Variants in SPOCK1 observed in about 807,000 individuals in gnomAD.
The protein encoded by SPOCK1 is testican-1.
Under a neutral mutation model 55.3 loss-of-function variants are expected in SPOCK1, and 23 were observed. The ratio of observed to expected loss-of-function variants is 0.42; its 90% CI spans 0.30 to 0.59. The LOEUF (loss-of-function observed/expected upper bound fraction) is 0.59, where lower values mean the gene tolerates loss of function less well. Among genes scored for constraint, SPOCK1 ranks in the 20% least tolerant of loss-of-function variants. The probability of loss-of-function intolerance (pLI) is 0.22; values close to 1 mark genes in which losing one functional copy is unlikely to be tolerated. For missense variants in SPOCK1, 499 were observed against 552.5 expected (o/e 0.90, Z 0.97); for synonymous variants, 226 against 221.0 (o/e 1.02, Z -0.20).
chr5:137,285,127 G>A (rs1158380994), intron 2 of SPOCK1, among the ~76,000 whole-genome samples: 3 of 152,164 alleles, frequency 2.0e-5, no homozygotes, highest in South Asian at 2.1e-4. Flanking sequence ...ACAGCCAAGC[G>A]GGTTGCTCGC....
At chr5:137,438,387 C>A (rs1212459237) in intron 2 of SPOCK1, among the ~76,000 whole-genome samples, 2 of 152,098 alleles carry the variant, frequency 1.3e-5, no homozygotes, top group African/African-American at 2.4e-5. Flanking sequence ...AAGGGTGACA[C>A]CTTGCCTAAT....
rs114764568 is a variant in SPOCK1, at chr5:137,440,013, A to C, written c.186+58360T>G. Among the ~76,000 whole-genome samples, 385 of 152,284 alleles carry C rather than the reference A, an allele frequency of 2.5e-3. 1 individual carries two copies. Among genetic ancestry groups the C allele is most frequent in the African/African-American group, 8.9e-3 (370 of 41,554 alleles). ...ATCAGAGATTGGAGGAAAGCCTTTCACGGGAAAATGGAGATCAAAACAGAG... is the reference window on the plus strand; with the variant it reads ...ATCAGAGATTGGAGGAAAGCCTTTCCCGGGAAAATGGAGATCAAAACAGAG... On this transcript the variant is annotated intron_variant, in intron 2 of 10. Transcript: ENST00000394945.
intron 2 of SPOCK1, among the ~76,000 whole-genome samples, chr5:137,387,748 T>C (rs1478580417): frequency 6.6e-6 from 1 of 152,200 alleles, no homozygotes; most frequent in East Asian, 1.9e-4. Context: ...CTGTAACGAA[T>C]GTGTGACTTG....
intron 3 of SPOCK1, among the ~76,000 whole-genome samples, chr5:137,171,250 C>T (rs1456377099): frequency 6.6e-6 from 1 of 152,096 alleles, no homozygotes; most frequent in Non-Finnish European, 1.5e-5. Flanking sequence ...CTCCTATGAC[C>T]CATATTCAAT....
At position 137,487,722 on chromosome 5, in the gene SPOCK1, AAGGTCCCACATC is replaced by A. The variant is rs1754090707; in HGVS notation, c.186+10639_186+10650del. Among the ~76,000 whole-genome samples, 5 of 152,306 alleles carry A rather than the reference AAGGTCCCACATC, an allele frequency of 3.3e-5. No individual in the cohort carries two copies. In the South Asian group the frequency reaches 1.0e-3, roughly 32 times the overall value. On this transcript the variant is annotated intron_variant, in intron 2 of 10. Coordinates refer to ENST00000394945, the MANE Select transcript of SPOCK1 (RefSeq NM_004598.4). ...GATCCCCTGGAATTTCATCATGTAGAAGGTCCCACATCAATTCCACTGTGCTCATGTGTGCAA... is the reference window on the plus strand; with the variant it reads ...GATCCCCTGGAATTTCATCATGTAGAAATTCCACTGTGCTCATGTGTGCAA...
intron 4 of SPOCK1, among the ~76,000 whole-genome samples, chr5:137,118,048 CTG>C: frequency 6.6e-6 from 1 of 152,290 alleles, no homozygotes; most frequent in African/African-American, 2.4e-5. Context: ...AATTCAAACA[CTG>C]TGAACTGTCA....
At chr5:137,024,352 T>A (rs1328983981) in intron 6 of SPOCK1, among the ~76,000 whole-genome samples, 1 of 151,656 alleles carries the variant, frequency 6.6e-6, no homozygotes, top group Non-Finnish European at 1.5e-5. Flanking sequence ...TCATGTTTTG[T>A]TAAATACAAC....
chr5:137,386,641 C>G (rs1409125388), intron 2 of SPOCK1, among the ~76,000 whole-genome samples: 1 of 152,148 alleles, frequency 6.6e-6, no homozygotes, highest in African/African-American at 2.4e-5. Flanking sequence ...ACTTTACACC[C>G]TTTAAAAAAA....
At chr5:137,208,517 T>C (rs761701835) in intron 3 of SPOCK1, among the ~76,000 whole-genome samples, 3 of 152,230 alleles carry the variant, frequency 2.0e-5, no homozygotes, top group Admixed American at 1.3e-4. Context: ...CATGAAATAC[T>C]ATGCAGCTCT....
At chr5:137,118,111 C>G (rs1561615670) in intron 4 of SPOCK1, among the ~76,000 whole-genome samples, 1 of 152,106 alleles carries the variant, frequency 6.6e-6, no homozygotes, top group Non-Finnish European at 1.5e-5. Context: ...GATCTTCTAA[C>G]AAGTTAACAG....
intron 6 of SPOCK1, among the ~76,000 whole-genome samples, chr5:137,013,388 CT>C (rs1425073060): frequency 1.3e-5 from 2 of 152,186 alleles, no homozygotes; most frequent in African/African-American, 4.8e-5. Context: ...ATAACATTCA[CT>C]TGGCAAACTT....
intron 6 of SPOCK1, among the ~76,000 whole-genome samples, chr5:137,064,840 T>C (rs1752466919): frequency 6.6e-6 from 1 of 152,210 alleles, no homozygotes; most frequent in South Asian, 2.1e-4. Flanking sequence ...ATTACTTAAA[T>C]GTTTCATTTC....
At chr5:137,021,394 A>G (rs1450309093) in intron 6 of SPOCK1, among the ~76,000 whole-genome samples, 1 of 152,236 alleles carries the variant, frequency 6.6e-6, no homozygotes, top group African/African-American at 2.4e-5. Context: ...CACAGAAGTC[A>G]ATATGATAGT....
intron 4 of SPOCK1, among the ~76,000 whole-genome samples, chr5:137,119,550 G>A (rs1216958080): frequency 6.6e-6 from 1 of 152,172 alleles, no homozygotes; most frequent in Non-Finnish European, 1.5e-5. Flanking sequence ...GGGTATGTGG[G>A]CTCACGTGTC....
At chr5:137,044,105 T>C (rs1053185057) in intron 6 of SPOCK1, among the ~76,000 whole-genome samples, 2 of 152,206 alleles carry the variant, frequency 1.3e-5, no homozygotes, top group African/African-American at 2.4e-5. Context: ...TAGAGCTTTA[T>C]TGGACACCAG....
intron 3 of SPOCK1, among the ~76,000 whole-genome samples, chr5:137,251,048 G>C (rs1460272509): frequency 6.6e-6 from 1 of 152,124 alleles, no homozygotes; most frequent in Non-Finnish European, 1.5e-5. Flanking sequence ...ATCAACCAGA[G>C]GGCTTGTTTC....
At chr5:137,302,684 A>C (rs1347702510) in intron 2 of SPOCK1, among the ~76,000 whole-genome samples, 1 of 152,222 alleles carries the variant, frequency 6.6e-6, no homozygotes, top group Admixed American at 6.5e-5. Context: ...CCATGGAAAT[A>C]AACATATATA....
rs141055548 is a variant in SPOCK1 at position 137,155,246 on chromosome 5, A to C, written c.233-14552T>G. ...CCAGGTCATCTTTAAGCCAAATTAC[A>C]GTCCTGAAATTGTGTTGCCTCTAAT... On this transcript the variant is annotated intron_variant, in intron 3 of 10. Transcript: ENST00000394945. Among the ~76,000 whole-genome samples the C allele has an allele frequency of 2.0e-5, 3 of 152,306 alleles. No individual in the cohort carries two copies. The East Asian group carries it at 5.8e-4, about 29-fold the overall frequency.
chr5:137,152,144 C>T (rs550214859), intron 3 of SPOCK1, among the ~76,000 whole-genome samples: 1 of 152,162 alleles, frequency 6.6e-6, no homozygotes, highest in African/African-American at 2.4e-5. Context: ...TGGTTGCATC[C>T]CCCACTATAG....
Sources: allele counts gnomAD v4.1 joint callset (sites outside exome capture counted in the v4.1 genomes callset), GRCh38; gene constraint gnomAD v4.1.1; transcripts MANE v1.5; gene names NCBI Gene and HGNC (gene_info 2026-07-23, HGNC 2026-07-21).